CCDC88B: variants seen among roughly 807,000 people sequenced by gnomAD.
CCDC88B encodes coiled-coil and HOOK domain protein 88B, also known as coiled-coil domain-containing protein 88B.
CCDC88B carries 138 observed loss-of-function variants against 183.7 expected under a neutral mutation model. The ratio of observed to expected loss-of-function variants is 0.75; its 90% CI spans 0.65 to 0.87. The LOEUF is 0.87. Among genes scored for constraint, CCDC88B ranks in the 40% least tolerant of loss-of-function variants. CCDC88B has a pLI of 0.00. For missense variants in CCDC88B, 1,822 were observed against 1,965.6 expected (o/e 0.93, Z 1.38); for synonymous variants, 835 against 867.5 (o/e 0.96, Z 0.66).
rs756218988 is a variant in CCDC88B at position 64,353,122 on chromosome 11, G to A, written c.3569G>A (p.Arg1190Gln). ...GELQGERGEL[R>Q]GRLARLELER... ...CTGCAGGGTGAACGCGGGGAGCTAC[G>A]GGGCCGGCTGGCGCGGCTGGAGCTG... is the stretch of plus-strand genomic sequence containing the variant. The change falls in exon 21 of 27, where the codon CGG becomes CAG. Residue 1190 changes from arginine (R) to glutamine (Q), a missense_variant. Physicochemically the swap from Arg to Gln is conservative, Grantham distance 43 (BLOSUM62 1). Transcript: ENST00000356786. The A allele has an allele frequency of 3.7e-6, 6 of 1,604,928 alleles. No individual in the cohort carries two copies. The highest frequency in any genetic ancestry group is 2.2e-5 in the South Asian group (2 of 89,792).
Position 64,342,598 on chromosome 11 carries a change from G to C in CCDC88B, c.980G>C (p.Gly327Ala). 2.0e-6 allele frequency: 3 copies of C among 1,530,688 alleles called. No individual in the cohort carries two copies. Among genetic ancestry groups the C allele is most frequent in the Non-Finnish European group, 2.6e-6 (3 of 1,145,012 alleles). 94.8% of individuals were successfully genotyped at this position (1,530,688 alleles called of 1,614,324 possible). ...GCAGAGGCGCTGCGGGAGCGGGCCG[G>C]CCGCCTGCCCCGCCTGCAGGAGGAG... ...EEAEALRERA[G>A]RLPRLQEELR... Residue 327 changes from glycine (G) to alanine (A), a missense_variant, in exon 10 of 27, where the codon GGC (glycine) becomes GCC (alanine). Gly to Ala is a moderately conservative substitution (Grantham distance 60). Transcript: ENST00000356786.
chr11:64,345,796 C>T (rs1218398873), intron 14 of CCDC88B, among the ~76,000 whole-genome samples: 3 of 152,168 alleles, frequency 2.0e-5, no homozygotes, highest in Non-Finnish European at 4.4e-5. Flanking sequence ...TACTTGAGGT[C>T]AGGAGTTCTA....
Position 64,341,286 on chromosome 11 carries a change from G to A in CCDC88B, c.405G>A (p.Gln135=). 1.2e-6 allele frequency: 2 copies of A among 1,614,170 alleles called. No homozygotes were observed. The highest frequency in any genetic ancestry group is 1.1e-5 in the South Asian group (1 of 91,084). The change falls in exon 5 of 27, where the codon CAG becomes CAA. Residue 135 remains glutamine (Q), a synonymous_variant. Coordinates refer to ENST00000356786, the MANE Select transcript of CCDC88B (RefSeq NM_032251.6). ...FDPLSEEAVE[Q]LEGVLRLLLG... The stretch of plus-strand genomic sequence containing the variant: ...GCCTTGCAGAAGAAGCGGTGGAGCA[G>A]CTGGAAGGCGTTCTTCGGCTACTGT...
intron 5 of CCDC88B, 31 bp downstream of exon 5, chr11:64,341,359 G>A: frequency 6.2e-7 from 1 of 1,614,020 alleles, no homozygotes; most frequent in Non-Finnish European, 8.5e-7. Context: ...AAAGGTTAGG[G>A]TCGAGCTTTG....
chr11:64,343,985 G>C lies in CCDC88B; in HGVS notation c.1456-12G>C. On this transcript the variant is annotated splice_polypyrimidine_tract_variant and intron_variant, in intron 13 of 26. Coordinates refer to ENST00000356786, the MANE Select transcript of CCDC88B (RefSeq NM_032251.6). ...CTCCCTGGGCCTGACTGTCCCTCTC[G>C]TATGCCCTCAGCACCCCCTGCTGGA... The C allele has an allele frequency of 6.4e-7, 1 of 1,556,842 alleles. No homozygotes were observed. The highest frequency in any genetic ancestry group is 1.2e-5 in the South Asian group (1 of 83,750).
chr11:64,342,550 G>A lies in CCDC88B; in HGVS notation c.932G>A (p.Arg311Gln), dbSNP rs760613975. The change falls in exon 10 of 27, where the codon CGG becomes CAG. Residue 311 changes from arginine to glutamine, a missense_variant. Transcript: ENST00000356786. Reference sequence around the variant, plus strand: ...CAGGCGCTGTCGGGACAGGCCAAGCGGGCCGAGCTGTACCGCGAGGAGGCA... The same window carrying A: ...CAGGCGCTGTCGGGACAGGCCAAGCAGGCCGAGCTGTACCGCGAGGAGGCA... ...EAQALSGQAK[R>Q]AELYREEAEA... is the part of the protein sequence containing the mutation. 19 of 1,531,004 alleles carry A rather than the reference G, an allele frequency of 1.2e-5. No homozygotes were observed. The highest frequency in any genetic ancestry group is 4.1e-5 in the African/African-American group (3 of 72,894). 94.8% of individuals were successfully genotyped at this position (1,531,004 alleles called of 1,614,324 possible).
At position 64,355,608 on chromosome 11, in the gene CCDC88B, A is replaced by C. The variant is rs757820302; in HGVS notation, c.4355A>C (p.Glu1452Ala). The stretch of plus-strand genomic sequence containing the variant: ...TCCGCTGAGACCCTGCAGGAACACG[A>C]AACAGATGCCAACCGAGAGGGTGAG... ...ENSAETLQEH[E>A]TDANREGPEV... Residue 1452 changes from glutamate to alanine, a missense_variant, in exon 26 of 27, where the codon GAA becomes GCA. Coordinates refer to ENST00000356786, the MANE Select transcript of CCDC88B (RefSeq NM_032251.6). 34 of 1,611,950 alleles carry C rather than the reference A, an allele frequency of 2.1e-5. No individual in the cohort carries two copies. Among genetic ancestry groups the C allele is most frequent in the Non-Finnish European group, 2.8e-5 (33 of 1,179,282 alleles).
At chr11:64,342,455 C>T in intron 9 of CCDC88B, 67 bp from the exon 10 acceptor site, 1 of 1,541,638 alleles carries the variant, frequency 6.5e-7, no homozygotes, top group Admixed American at 2.0e-5. Context: ...CCCAACCCGG[C>T]TCCTTCCCGT....
At chr11:64,357,002 T>C in intron 26 of CCDC88B, 37 bp from the exon 27 acceptor site, 1 of 1,538,696 alleles carries the variant, frequency 6.5e-7, no homozygotes, top group Non-Finnish European at 8.8e-7. Flanking sequence ...GGAGTCCTCC[T>C]GAGGGAAGCA....
At chr11:64,343,467 A>G in intron 11 of CCDC88B, 40 bp from the exon 12 acceptor site, 1 of 1,541,782 alleles carries the variant, frequency 6.5e-7, no homozygotes, top group Non-Finnish European at 8.8e-7. Context: ...CGGCCTGGCC[A>G]TGGTGTGGAG....
At chr11:64,356,915 G>A in intron 26 of CCDC88B, 124 bp from the exon 27 acceptor site, 1 of 886,490 alleles carries the variant, frequency 1.1e-6, no homozygotes, top group South Asian at 1.6e-5. Flanking sequence ...CAGGCGTGGT[G>A]CAGCTGGAAG....
At position 64,342,065 on chromosome 11, in the gene CCDC88B, C is replaced by T. The variant is rs376901275; in HGVS notation, c.747C>T (p.Ala249=). Residue 249 remains alanine, a synonymous_variant, in exon 8 of 27, where the codon GCC becomes GCT. Transcript: ENST00000356786. ...LRPEAPSRAP[A]EGPSHHLALQ... is the part of the protein sequence containing the mutation. ...CTGAGGCTCCCTCTAGGGCTCCCGC[C>T]GAGGGCCCCTCGCACCATCTGGCCC... 3.1e-6 allele frequency: 5 copies of T among 1,612,028 alleles called. No individual in the cohort carries two copies. In the African/African-American group the frequency reaches 5.3e-5, roughly 17 times the overall value.
chr11:64,340,885 C>G, intron 2 of CCDC88B, 22 bp from the exon 3 acceptor site: 10 of 1,537,436 alleles, frequency 6.5e-6, no homozygotes, highest in Non-Finnish European at 8.8e-6. Flanking sequence ...GGCGGGTCCT[C>G]GAGCCCACCT....
chr11:64,348,088 A>G (rs1312217161), intron 14 of CCDC88B, among the ~76,000 whole-genome samples: 1 of 146,122 alleles, frequency 6.8e-6, no homozygotes, highest in Non-Finnish European at 1.5e-5. Flanking sequence ...TACCTGCCTC[A>G]CAGGATCCTG....
In CCDC88B at chr11:64,344,859, G is replaced by A. The variant is rs970377728; in HGVS notation, c.2318G>A (p.Arg773Gln). 8.1e-6 allele frequency: 13 copies of A among 1,609,348 alleles called. No individual in the cohort carries two copies. Among genetic ancestry groups the A allele is most frequent in the African/African-American group, 6.7e-5 (5 of 74,980 alleles). ...ARLSKELAQA[R>Q]RAEAEAHREA... ...CTCTCCAAGGAGCTGGCCCAAGCGC[G>A]AAGGGCAGAGGCCGAGGCCCACCGG... is the stretch of plus-strand genomic sequence containing the variant. The change falls in exon 14 of 27, where the codon CGA (arginine) becomes CAA (glutamine). Residue 773 changes from arginine to glutamine, a missense_variant. Arg to Gln is a conservative substitution (Grantham distance 43). Transcript: ENST00000356786. This position sits in a 1 kb window ranked among gnomAD's most constrained non-coding sequence, Gnocchi z 4.5.
Position 64,344,858 on chromosome 11 carries a change from C to G in CCDC88B, c.2317C>G (p.Arg773Gly), listed in dbSNP as rs746635067. ...CCTCTCCAAGGAGCTGGCCCAAGCG[C>G]GAAGGGCAGAGGCCGAGGCCCACCG... ...ARLSKELAQA[R>G]RAEAEAHREA... The change falls in exon 14 of 27, where the codon CGA (arginine) becomes GGA (glycine). Residue 773 changes from arginine to glycine, a missense_variant. Transcript: ENST00000356786. This position sits in a 1 kb window ranked among gnomAD's most constrained non-coding sequence, Gnocchi z 4.5. 3.7e-6 allele frequency: 6 copies of G among 1,609,724 alleles called. No homozygotes were observed. In the Admixed American group the frequency reaches 1.0e-4, roughly 27 times the overall value.
intron 26 of CCDC88B, 25 bp from the exon 27 acceptor site, chr11:64,357,014 A>C: frequency 6.4e-7 from 1 of 1,551,504 alleles, no homozygotes; most frequent in Non-Finnish European, 8.7e-7. Context: ...AGGGAAGCAG[A>C]TCTCAGCTGA....
intron 14 of CCDC88B, among the ~76,000 whole-genome samples, chr11:64,345,833 C>T (rs9988817): frequency 0.21 from 31,853 of 152,020 alleles, 3,958 homozygotes; most frequent in East Asian, 0.54. Context: ...ATGGTGAAAC[C>T]CTGCCTCCAT....
chr11:64,351,284 G>A (rs1225963042), intron 17 of CCDC88B, 29 bp downstream of exon 17: 1 of 1,502,108 alleles, frequency 6.7e-7, no homozygotes, highest in Non-Finnish European at 8.9e-7. Flanking sequence ...TGGGCCCTGG[G>A]GAGGTGCCCC....
Sources: allele counts gnomAD v4.1 joint callset (sites outside exome capture counted in the v4.1 genomes callset), GRCh38; gene constraint gnomAD v4.1.1; non-coding constraint Gnocchi (gnomAD v3.1); transcripts MANE v1.5; gene names NCBI Gene and HGNC (gene_info 2026-07-23, HGNC 2026-07-21).